Variants in VPS13B observed in about 807,000 individuals in gnomAD.
VPS13B encodes the protein intermembrane lipid transfer protein VPS13B.
In VPS13B, 285 loss-of-function variants were observed where a neutral mutation model predicts 426.4. That is an observed-to-expected ratio of 0.67 (90% CI 0.61 to 0.74). VPS13B has a LOEUF of 0.74. Ranked by LOEUF, VPS13B falls within the 30% of genes least tolerant of loss-of-function variation. VPS13B has a pLI of 0.00. For synonymous variants in VPS13B, 1,676 were observed against 1,676.4 expected (o/e 1.00, Z 0.01); for missense variants, 4,537 against 4,782.6 (o/e 0.95, Z 1.51).
intron 17 of VPS13B, among the ~76,000 whole-genome samples, chr8:99,271,254 T>C (rs1002021135): frequency 6.6e-6 from 1 of 151,706 alleles, no homozygotes; most frequent in African/African-American, 2.4e-5. Flanking sequence ...ACTACGATGA[T>C]GATTGTATTA....
intron 30 of VPS13B, among the ~76,000 whole-genome samples, chr8:99,544,480 C>G (rs1339589576): frequency 1.3e-5 from 2 of 151,814 alleles, no homozygotes; most frequent in Non-Finnish European, 1.5e-5. Context: ...AAAAAAAATT[C>G]AGAAGTATTT....
chr8:99,874,772 G>A (rs759538314), intron 61 of VPS13B, among the ~76,000 whole-genome samples: 1 of 152,172 alleles, frequency 6.6e-6, no homozygotes, highest in Non-Finnish European at 1.5e-5. Flanking sequence ...CACTGAAGAT[G>A]AGCCAGACTT....
rs34328413 is a variant in VPS13B, at chr8:99,813,860, G to A, written c.8098-3680G>A. Among the ~76,000 whole-genome samples the A allele has an allele frequency of 4.5e-3, 688 of 152,302 alleles. 1 individual carries two copies. Among genetic ancestry groups the A allele is most frequent in the Middle Eastern group, 6.8e-3 (2 of 294 alleles). ...TGATTAAATAATAGTTCATCCCAGC[G>A]TAGTGGCTTATGCCTATGATCCCAG... On this transcript the variant is annotated intron_variant, in intron 44 of 61. Coordinates refer to ENST00000357162, the MANE Select transcript of VPS13B (RefSeq NM_152564.5).
chr8:99,667,523 A>T (rs1830535640), intron 35 of VPS13B, among the ~76,000 whole-genome samples: 1 of 152,200 alleles, frequency 6.6e-6, no homozygotes, highest in Admixed American at 6.5e-5. Flanking sequence ...TTGAGAGAAG[A>T]TTAGTTTAAA....
chr8:99,654,859 C>CAA (rs796454771), intron 34 of VPS13B, among the ~76,000 whole-genome samples: 10 of 121,092 alleles, frequency 8.3e-5, no homozygotes, highest in African/African-American at 1.2e-4. Flanking sequence ...AGGATTAAGC[C>CAA]AAAAAAAAAA....
intron 19 of VPS13B, among the ~76,000 whole-genome samples, chr8:99,324,365 C>T (rs2133135851): frequency 6.6e-6 from 1 of 152,282 alleles, no homozygotes; most frequent in Non-Finnish European, 1.5e-5. Flanking sequence ...ATCCCTCAAT[C>T]AGATAGCTAA....
At chr8:99,556,340 C>G in intron 30 of VPS13B, 110 bp from the exon 31 acceptor site, 1 of 1,198,710 alleles carries the variant, frequency 8.3e-7, no homozygotes, top group Non-Finnish European at 1.2e-6. Flanking sequence ...CATCAGTAAT[C>G]CAAAGGAAAA....
At chr8:99,861,645 G>T (rs1279778551) in intron 57 of VPS13B, 131 bp from the exon 58 acceptor site, 1 of 1,210,404 alleles carries the variant, frequency 8.3e-7, no homozygotes, top group Admixed American at 2.0e-5. Flanking sequence ...TGCCTGAGAG[G>T]GAGCCACCAT....
At chr8:99,652,645 C>T (rs1334431254) in intron 34 of VPS13B, among the ~76,000 whole-genome samples, 1 of 151,952 alleles carries the variant, frequency 6.6e-6, no homozygotes, top group Non-Finnish European at 1.5e-5. Flanking sequence ...TGGCTTCTTA[C>T]ACCTCATAAA....
chr8:99,080,256 G>T lies in VPS13B; in HGVS notation c.292-16056G>T, dbSNP rs74378308. Reference sequence around the variant, plus strand: ...GCTTATTTTTGTCTTAATGAAGTTGGGTTTTTCTGGTTTTTGTATTTTTCT... The same window carrying T: ...GCTTATTTTTGTCTTAATGAAGTTGTGTTTTTCTGGTTTTTGTATTTTTCT... On this transcript the variant is annotated intron_variant, in intron 3 of 61. Coordinates refer to ENST00000357162, the MANE Select transcript of VPS13B (RefSeq NM_152564.5). Among the ~76,000 whole-genome samples, 1,794 of 151,466 alleles carry T rather than the reference G, an allele frequency of 0.012. 95 individuals are homozygous for T. The East Asian group carries it at 0.17, about 14-fold the overall frequency.
intron 19 of VPS13B, among the ~76,000 whole-genome samples, chr8:99,284,720 T>TTGTGTGTGTGTG (rs756599409): frequency 1.1e-3 from 57 of 53,702 alleles, no homozygotes; most frequent in African/African-American, 3.6e-3. Context: ...CTGGCTAAAT[T>TTGTGTGTGTGTG]TGTGTGTGTG....
At chr8:99,830,193 G>A (rs2130850493) in intron 51 of VPS13B, among the ~76,000 whole-genome samples, 1 of 152,304 alleles carries the variant, frequency 6.6e-6, no homozygotes, top group East Asian at 1.9e-4. Context: ...CTGAAGCTGT[G>A]CCCACAGCTG....
intron 40 of VPS13B, among the ~76,000 whole-genome samples, chr8:99,767,177 A>G (rs1811266784): frequency 6.6e-6 from 1 of 152,148 alleles, no homozygotes; most frequent in South Asian, 2.1e-4. Flanking sequence ...CTCATAATAC[A>G]GCTCTGTGAG....
intron 4 of VPS13B, among the ~76,000 whole-genome samples, chr8:99,098,291 G>A (rs1009379775): frequency 5.9e-5 from 9 of 152,046 alleles, no homozygotes; most frequent in Admixed American, 5.9e-4. Context: ...ATCCAGAACT[G>A]AAACCGGTTA....
At chr8:99,535,863 A>G (rs1042732484) in intron 30 of VPS13B, among the ~76,000 whole-genome samples, 2 of 152,178 alleles carry the variant, frequency 1.3e-5, no homozygotes, top group Non-Finnish European at 2.9e-5. Context: ...TTATCTCAAC[A>G]TAGGTTGTCA....
chr8:99,744,612 C>T (rs1160549481), intron 39 of VPS13B, among the ~76,000 whole-genome samples: 4 of 152,100 alleles, frequency 2.6e-5, no homozygotes, highest in Admixed American at 6.6e-5. Context: ...AAATGTGGCA[C>T]GTATACACCA....
chr8:99,833,600 C>T (rs1815209804), intron 52 of VPS13B, among the ~76,000 whole-genome samples: 1 of 152,152 alleles, frequency 6.6e-6, no homozygotes, highest in Non-Finnish European at 1.5e-5. Flanking sequence ...ATCTTTTACA[C>T]TGTAGAGGAG....
At chr8:99,778,619 C>A in intron 41 of VPS13B, 63 bp from the exon 42 acceptor site, 1 of 1,452,774 alleles carries the variant, frequency 6.9e-7, no homozygotes, top group Non-Finnish European at 9.7e-7. Flanking sequence ...TCATTTCACT[C>A]TTTATTTTCA....
At chr8:99,417,806 T>C (rs1432262045) in intron 21 of VPS13B, among the ~76,000 whole-genome samples, 2 of 152,098 alleles carry the variant, frequency 1.3e-5, no homozygotes, top group Non-Finnish European at 2.9e-5. Flanking sequence ...TTTTTTTTTC[T>C]TGACAGATTT....
Sources: gnomAD v4.1 joint callset for allele counts (sites outside exome capture counted in the v4.1 genomes callset) on GRCh38, gnomAD v4.1.1 for gene constraint, MANE v1.5 for transcripts, NCBI Gene and HGNC (gene_info 2026-07-23, HGNC 2026-07-21) for gene names.